Variants in WWOX observed in about 807,000 individuals in gnomAD.
The protein encoded by WWOX is WW domain-containing oxidoreductase.
A neutral mutation model predicts 46.2 loss-of-function variants in WWOX; 69 were observed. The observed-to-expected ratio is 1.49, with a 90% CI of 1.23 to 1.82. WWOX has a LOEUF of 1.82. Among genes scored for constraint, WWOX ranks in the 40% most tolerant of loss-of-function variants. The pLI is 0.00. For missense variants in WWOX, 919 were observed against 542.6 expected, an observed-to-expected ratio of 1.69 and a Z score of -6.89; for synonymous variants, 359 against 202.6, an observed-to-expected ratio of 1.77 and a Z score of -6.56.
chr16:78,855,304 GCTTA>G (rs1260542939), intron 8 of WWOX, among the ~76,000 whole-genome samples: 1 of 152,066 alleles, frequency 6.6e-6, no homozygotes, highest in Non-Finnish European at 1.5e-5. Flanking sequence ...CTTGAAATTA[GCTTA>G]CTGAATGTTC....
intron 6 of WWOX, among the ~76,000 whole-genome samples, chr16:78,424,496 C>G (rs910496841): frequency 6.6e-6 from 1 of 152,170 alleles, no homozygotes; most frequent in Non-Finnish European, 1.5e-5. Context: ...GATTTACAGA[C>G]AAAGTGAGAC....
At chr16:78,715,010 G>C (rs2048528619) in intron 8 of WWOX, among the ~76,000 whole-genome samples, 1 of 152,150 alleles carries the variant, frequency 6.6e-6, no homozygotes, top group African/African-American at 2.4e-5. Context: ...TCATGGCCTG[G>C]GTGTGGTGGC....
intron 8 of WWOX, among the ~76,000 whole-genome samples, chr16:78,799,339 A>T (rs937058542): frequency 1.3e-5 from 2 of 152,184 alleles, no homozygotes; most frequent in African/African-American, 4.8e-5. Context: ...AATCACTTTT[A>T]AAAAATGTAT....
chr16:78,646,231 G>A (rs555085967), intron 8 of WWOX, among the ~76,000 whole-genome samples: 1 of 152,210 alleles, frequency 6.6e-6, no homozygotes, highest in East Asian at 1.9e-4. Flanking sequence ...CTATTGCCAG[G>A]CTGATCTCGG....
intron 8 of WWOX, among the ~76,000 whole-genome samples, chr16:78,993,868 C>T (rs1159978016): frequency 6.6e-6 from 1 of 152,216 alleles, no homozygotes; most frequent in African/African-American, 2.4e-5. Flanking sequence ...GCTGGTCGGT[C>T]ACTCCTGTTC....
intron 8 of WWOX, among the ~76,000 whole-genome samples, chr16:79,079,734 G>A (rs1171558544): frequency 1.3e-5 from 2 of 152,104 alleles, no homozygotes; most frequent in East Asian, 1.9e-4. Flanking sequence ...GTCTACCCCA[G>A]GCTTTGCAAC....
chr16:78,251,667 G>A (rs539760272), intron 5 of WWOX, among the ~76,000 whole-genome samples: 30 of 152,168 alleles, frequency 2.0e-4, no homozygotes, highest in African/African-American at 7.0e-4. Context: ...GCTGAACCCC[G>A]ATGCTTTGGG....
intron 5 of WWOX, among the ~76,000 whole-genome samples, chr16:78,191,029 A>C (rs993864133): frequency 6.6e-6 from 1 of 152,238 alleles, no homozygotes; most frequent in Admixed American, 6.5e-5. Context: ...GACTTGTGTC[A>C]TTCTCCATCC....
intron 8 of WWOX, among the ~76,000 whole-genome samples, chr16:78,701,132 G>C (rs989399213): frequency 6.6e-6 from 1 of 152,146 alleles, no homozygotes; most frequent in African/African-American, 2.4e-5. Flanking sequence ...GTAGCTGTGA[G>C]AATGAAATAA....
intron 5 of WWOX, among the ~76,000 whole-genome samples, chr16:78,331,291 A>C (rs1425140287): frequency 6.6e-6 from 1 of 152,214 alleles, no homozygotes; most frequent in Non-Finnish European, 1.5e-5. Context: ...TCGATTTTCA[A>C]AATGATAGTT....
At chr16:78,221,420 A>G (rs1196429364) in intron 5 of WWOX, among the ~76,000 whole-genome samples, 1 of 152,204 alleles carries the variant, frequency 6.6e-6, no homozygotes, top group Non-Finnish European at 1.5e-5. Context: ...AGGAGTTAGT[A>G]CGTTACTTTA....
intron 8 of WWOX, among the ~76,000 whole-genome samples, chr16:79,079,710 A>C (rs8062577): frequency 1.3e-5 from 2 of 152,196 alleles, no homozygotes; most frequent in Admixed American, 6.5e-5. Flanking sequence ...TGTGATTACA[A>C]CATAATTGTT....
chr16:78,830,260 G>C (rs1157899449), intron 8 of WWOX, among the ~76,000 whole-genome samples: 2 of 152,044 alleles, frequency 1.3e-5, no homozygotes, highest in South Asian at 2.1e-4. Context: ...ATTTATATGG[G>C]GTTATTGTCC....
intron 8 of WWOX, among the ~76,000 whole-genome samples, chr16:78,515,772 G>C (rs2043222273): frequency 6.6e-6 from 1 of 152,176 alleles, no homozygotes; most frequent in Non-Finnish European, 1.5e-5. Flanking sequence ...CTTCTGCAAA[G>C]GTAACTTAGC....
chr16:79,018,971 C>T (rs1006331920), intron 8 of WWOX, among the ~76,000 whole-genome samples: 1 of 151,454 alleles, frequency 6.6e-6, no homozygotes, highest in Non-Finnish European at 1.5e-5. Context: ...GGCAACATGG[C>T]AAAACCCCAT....
chr16:78,819,774 A>C (rs1242590970), intron 8 of WWOX, among the ~76,000 whole-genome samples: 1 of 152,228 alleles, frequency 6.6e-6, no homozygotes, highest in African/African-American at 2.4e-5. Context: ...CCACAAGCTC[A>C]CAGCATTTTC....
chr16:78,730,798 GT>G (rs1408627007), intron 8 of WWOX, among the ~76,000 whole-genome samples: 5 of 151,882 alleles, frequency 3.3e-5, no homozygotes, highest in African/African-American at 9.7e-5. Context: ...AAGTGACACA[GT>G]TTTCTCTTGT....
intron 8 of WWOX, among the ~76,000 whole-genome samples, chr16:78,716,685 G>A (rs551307679): frequency 6.6e-6 from 1 of 151,778 alleles, no homozygotes; most frequent in South Asian, 2.1e-4. Context: ...CACCCAAGGA[G>A]AATCATGGGA....
intron 5 of WWOX, among the ~76,000 whole-genome samples, chr16:78,280,592 C>A (rs181547729): frequency 1.5e-5 from 2 of 136,316 alleles, no homozygotes; most frequent in African/African-American, 5.5e-5. Context: ...AGGAAACTTA[C>A]AATCATGGCA....
Sources: gnomAD v4.1 joint callset for allele counts (sites outside exome capture counted in the v4.1 genomes callset) on GRCh38, gnomAD v4.1.1 for gene constraint, MANE v1.5 for transcripts, NCBI Gene and HGNC (gene_info 2026-07-23, HGNC 2026-07-21) for gene names.